CROCC2: variants seen among roughly 807,000 people sequenced by gnomAD.
CROCC2 encodes ciliary rootlet coiled-coil protein 2.
In CROCC2, 163 loss-of-function variants were observed where a neutral mutation model predicts 177.6. The ratio of observed to expected loss-of-function variants is 0.92; its 90% CI spans 0.81 to 1.05. CROCC2 has a LOEUF of 1.05. Among genes scored for constraint, CROCC2 ranks in the 50% least tolerant of loss-of-function variants. CROCC2 has a pLI of 0.00. For synonymous variants in CROCC2, 904 were observed against 787.3 expected, an observed-to-expected ratio of 1.15 and a Z score of -2.48; for missense variants, 1,929 against 1,797.8, an observed-to-expected ratio of 1.07 and a Z score of -1.32.
At position 240,934,475 on chromosome 2, in the gene CROCC2, G is replaced by C; in HGVS notation, c.1791G>C (p.Arg597=). 6.5e-7 allele frequency: 1 copy of C among 1,547,488 alleles called. No individual in the cohort carries two copies. The highest frequency in any genetic ancestry group is 8.7e-7 in the Non-Finnish European group (1 of 1,146,434). ...EREGLRSALA[R]AECSNADLEL... is the part of the protein sequence containing the mutation. Reference sequence around the variant, plus strand: ...AGGGACTGCGCAGCGCCCTGGCGCGGGTACACTCTGCTCCCCACAACCCCG... The same window carrying C: ...AGGGACTGCGCAGCGCCCTGGCGCGCGTACACTCTGCTCCCCACAACCCCG... The change falls in exon 12 of 32, where the codon CGG becomes CGC. Residue 597 remains arginine (R), a splice_region_variant and synonymous_variant. Transcript: ENST00000690015.
chr2:240,979,909 T>G (rs376363306), intron 27 of CROCC2, among the ~76,000 whole-genome samples: 14 of 16,094 alleles, frequency 8.7e-4, no homozygotes, highest in East Asian at 7.0e-3. Flanking sequence ...AGCCTCAGGA[T>G]CCCAGGCTCA....
chr2:240,949,298 C>A lies in CROCC2; in HGVS notation c.2482+201C>A. On this transcript the variant is annotated intron_variant, in intron 16 of 31. Transcript: ENST00000690015. The surrounding 1 kb of genome is among the most constrained non-coding windows in gnomAD (Gnocchi z 4.5). ...CAGCAACACCCTGCCCAGGCTGCAC[C>A]TGGTGCCAGCCTGAGGCTTAGAACT... The A allele has an allele frequency of 1.4e-6, 1 of 731,712 alleles. No individual in the cohort carries two copies. The highest frequency in any genetic ancestry group is 1.7e-6 in the Non-Finnish European group (1 of 598,272). 45.3% of individuals were successfully genotyped at this position (731,712 alleles called of 1,614,324 possible).
intron 18 of CROCC2, chr2:240,950,767 C>G (rs1294204430): frequency 2.1e-6 from 1 of 470,966 alleles, no homozygotes; most frequent in African/African-American, 2.0e-5. Flanking sequence ...AGCTACCCAT[C>G]CATCCATCCA....
chr2:240,967,677 G>A (rs1033776044), intron 26 of CROCC2: 49 of 738,892 alleles, frequency 6.6e-5, no homozygotes, highest in Non-Finnish European at 7.9e-5. Flanking sequence ...GCACAGAGGA[G>A]TGACGTCCAC....
chr2:240,919,878 T>C, intron 2 of CROCC2, 105 bp from the exon 3 acceptor site: 1 of 586,172 alleles, frequency 1.7e-6, no homozygotes, highest in South Asian at 1.9e-5. Context: ...GTCCAGCAGC[T>C]GGAGCCTGGT....
At position 240,973,093 on chromosome 2, in the gene CROCC2, T is replaced by C. The variant is rs768364723; in HGVS notation, c.4401+4831T>C. On this transcript the variant is annotated intron_variant, in intron 27 of 31. Transcript: ENST00000690015. This position sits in a 1 kb window ranked among gnomAD's most constrained non-coding sequence, Gnocchi z 4.7. ...CACAGTCTAGAGCCAGCTCTGCCTTTGACACAACTTCTTTTGCTTTCATGG... is the reference window on the plus strand; with the variant it reads ...CACAGTCTAGAGCCAGCTCTGCCTTCGACACAACTTCTTTTGCTTTCATGG... Among the ~76,000 whole-genome samples the C allele has an allele frequency of 1.2e-4, 19 of 152,260 alleles. 1 individual carries two copies. The highest frequency in any genetic ancestry group is 4.1e-4 in the South Asian group (2 of 4,834).
intron 14 of CROCC2, among the ~76,000 whole-genome samples, chr2:240,941,562 A>G (rs1219738625): frequency 6.6e-6 from 1 of 152,248 alleles, no homozygotes; most frequent in Non-Finnish European, 1.5e-5. Context: ...CAAAACAATC[A>G]AAAACATAAA....
At chr2:240,946,451 G>A (rs1242714711) in intron 15 of CROCC2, among the ~76,000 whole-genome samples, 198 bp downstream of exon 15, 1 of 152,262 alleles carries the variant, frequency 6.6e-6, no homozygotes, top group Non-Finnish European at 1.5e-5. Flanking sequence ...TCAACCCAGT[G>A]AAAGCGCTGG....
intron 28 of CROCC2, among the ~76,000 whole-genome samples, chr2:240,988,423 G>A (rs559776202): frequency 1.3e-5 from 2 of 152,304 alleles, no homozygotes; most frequent in East Asian, 1.9e-4. Flanking sequence ...GGTTTGCGGG[G>A]TAGCTCCTGG....
intron 1 of CROCC2, among the ~76,000 whole-genome samples, chr2:240,907,475 G>A (rs1019928682): frequency 6.6e-6 from 1 of 152,138 alleles, no homozygotes. Flanking sequence ...ACTCATGGTT[G>A]CTTGTTAACC....
chr2:240,963,547 C>A lies in CROCC2; in HGVS notation c.3088-9C>A. On this transcript the variant is annotated splice_polypyrimidine_tract_variant and intron_variant, in intron 20 of 31. Transcript: ENST00000690015. ...CAGCGGGCCTCTAGAGCTGAATGGT[C>A]CTCCCCAGGCTGAGAGGCTGCGGGC... The A allele has an allele frequency of 6.5e-7, 1 of 1,532,180 alleles. No homozygotes were observed. Among genetic ancestry groups the A allele is most frequent in the Non-Finnish European group, 8.8e-7 (1 of 1,136,352 alleles). 94.9% of individuals were successfully genotyped at this position (1,532,180 alleles called of 1,614,324 possible).
At chr2:240,989,627 A>G in intron 29 of CROCC2, 27 bp from the exon 30 acceptor site, 3 of 1,527,452 alleles carry the variant, frequency 2.0e-6, no homozygotes, top group Non-Finnish European at 2.7e-6. Context: ...GAGAGACAGC[A>G]GTGAGATGCC....
At position 240,946,044 on chromosome 2, in the gene CROCC2, T is replaced by TC; in HGVS notation, c.2170-12dup. 2 of 1,482,544 alleles carry TC rather than the reference T, an allele frequency of 1.3e-6. No individual in the cohort carries two copies. The highest frequency in any genetic ancestry group is 9.1e-7 in the Non-Finnish European group (1 of 1,101,682). 91.8% of individuals were successfully genotyped at this position (1,482,544 alleles called of 1,614,324 possible). The stretch of plus-strand genomic sequence containing the variant: ...CTCTCTTTCTCTGCCGACTGTCCCC[T>TC]CCCCACCTCCCCTAGGTCACATGCC... On this transcript the variant is annotated splice_polypyrimidine_tract_variant and intron_variant, in intron 14 of 31. Coordinates refer to ENST00000690015, the MANE Select transcript of CROCC2 (RefSeq NM_001351305.2).
At chr2:240,991,146 C>A (rs538854763) in intron 30 of CROCC2, 50 bp from the exon 31 acceptor site, 486 of 1,420,942 alleles carry the variant, frequency 3.4e-4, no homozygotes, top group Non-Finnish European at 4.3e-4. Context: ...GCCCTGGGGC[C>A]CTGGCCGTGC....
At chr2:240,956,318 G>A (rs576249121) in intron 19 of CROCC2, 34 of 292,308 alleles carry the variant, frequency 1.2e-4, no homozygotes, top group South Asian at 2.6e-4. Context: ...GGAGCTGCTC[G>A]TAGAAAAGCA....
intron 19 of CROCC2, among the ~76,000 whole-genome samples, chr2:240,956,688 C>T (rs897510507): frequency 7.9e-5 from 12 of 152,154 alleles, no homozygotes; most frequent in Non-Finnish European, 1.6e-4. Flanking sequence ...TAGGGAGGAG[C>T]GCTCTGGAGA....
chr2:240,967,685 C>T (rs1233534429), intron 26 of CROCC2: 3 of 667,714 alleles, frequency 4.5e-6, no homozygotes, highest in Middle Eastern at 7.3e-4. Context: ...GAGTGACGTC[C>T]ACAGGCCCAT....
In CROCC2 at chr2:240,906,534, G is replaced by A; in HGVS notation, c.21G>A (p.Glu7=). 1 of 399,164 alleles carries A rather than the reference G, an allele frequency of 2.5e-6. No homozygotes were observed. The highest frequency in any genetic ancestry group is 3.6e-5 in the East Asian group (1 of 28,076). The allele number at this position is 399,164 out of a possible 1,614,324, so 24.7% of individuals were successfully genotyped here. A position where few individuals can be genotyped will look rare whatever the true frequency, so the allele number is the denominator to read the frequency against. MSSASS[E]PGNGDASQQP... ...CTGCAATGAGCTCTGCCTCCAGTGA[G>A]CCTGGCAATGGGGACGCCTCCCAAC... Residue 7 remains glutamate, a synonymous_variant, in exon 1 of 32, where the codon GAG becomes GAA. Transcript: ENST00000690015.
At chr2:240,966,552 A>G in intron 25 of CROCC2, 143 bp downstream of exon 25, 1 of 396,670 alleles carries the variant, frequency 2.5e-6, no homozygotes, top group Non-Finnish European at 4.4e-6. Flanking sequence ...AAACACCAGC[A>G]CCACCATGGC....
Sources: allele counts gnomAD v4.1 joint callset (sites outside exome capture counted in the v4.1 genomes callset), GRCh38; gene constraint gnomAD v4.1.1; non-coding constraint Gnocchi (gnomAD v3.1); transcripts MANE v1.5; gene names NCBI Gene and HGNC (gene_info 2026-07-23, HGNC 2026-07-21).